The following SSX3 variants were observed in gnomAD, a reference collection of about 807,000 sequenced individuals.
SSX3 encodes the protein SSX family member 3.
SSX3 carries 6 observed loss-of-function variants against 14.8 expected under a neutral mutation model. The ratio of observed to expected loss-of-function variants is 0.41; its 90% CI spans 0.22 to 0.80. SSX3 has a LOEUF of 0.80. Among genes scored for constraint, SSX3 ranks in the 30% least tolerant of loss-of-function variants. SSX3 has a pLI of 0.34. For synonymous variants in SSX3, 55 were observed against 52.9 expected (o/e 1.04, Z -0.18); for missense variants, 163 against 152.2 (o/e 1.07, Z -0.37).
intron 6 of SSX3, among the ~76,000 whole-genome samples, chrX:48,347,881 T>C (rs2061245500): frequency 8.9e-6 from 1 of 112,383 alleles, no homozygotes; most frequent in Admixed American, 9.4e-5. Flanking sequence ...CCTAATTTCA[T>C]ACAGCACGTA....
At chrX:48,356,082 G>C (rs141612845) in intron 1 of SSX3, among the ~76,000 whole-genome samples, 2,352 of 111,698 alleles carry the variant, frequency 0.021, 70 homozygotes, top group African/African-American at 0.073. Flanking sequence ...GGAAGGCCAA[G>C]GTGGGCGGAT....
chrX:48,349,460 T>C, intron 6 of SSX3: 2 of 1,103,396 alleles, frequency 1.8e-6, no homozygotes, highest in Non-Finnish European at 2.4e-6. Flanking sequence ...ATAATGCTAT[T>C]GCACACTTAG....
rs782036054 is a variant in SSX3, at chrX:48,351,618, G to A, written c.330+482C>T. Among the ~76,000 whole-genome samples, 9 of 112,235 alleles carry A rather than the reference G, an allele frequency of 8.0e-5. No homozygotes were observed. In the South Asian group the frequency reaches 1.1e-3, roughly 14 times the overall value. On this transcript the variant is annotated intron_variant, in intron 5 of 7. Transcript: ENST00000298396. The stretch of plus-strand genomic sequence containing the variant: ...TGGATTAGACTACCACTGACACTGC[G>A]CCTCAGGAAAATTCTTTAACATCTC...
At position 48,352,373 on chromosome X, in the gene SSX3, C is replaced by T. The variant is rs1210489767; in HGVS notation, c.281-224G>A. 1.0e-5 allele frequency: 4 copies of T among 398,340 alleles called. No individual in the cohort carries two copies. In the Admixed American group the frequency reaches 1.7e-4, roughly 17 times the overall value. The allele number at this position is 398,340 out of a possible 1,213,427, so 32.8% of individuals were successfully genotyped here. A position where few individuals can be genotyped will look rare whatever the true frequency, so the allele number is the denominator to read the frequency against. ...CTCATGGTTTATCACATGGGGACTA[C>T]ACCCCATCACAGTCTCATCTTATTC... On this transcript the variant is annotated intron_variant, in intron 4 of 7. Transcript: ENST00000298396.
chrX:48,355,558 G>A (rs2061283387), intron 1 of SSX3, among the ~76,000 whole-genome samples: 1 of 110,780 alleles, frequency 9.0e-6, no homozygotes, highest in African/African-American at 3.3e-5. Flanking sequence ...CTGGAGCTAG[G>A]CTTCCCCTGA....
intron 3 of SSX3, 68 bp from the exon 4 acceptor site, chrX:48,354,162 T>C: frequency 2.1e-6 from 2 of 952,572 alleles, no homozygotes; most frequent in Non-Finnish European, 3.0e-6. Context: ...CTCATGTCTG[T>C]AGTACCAACA....
intron 2 of SSX3, 40 bp from the exon 3 acceptor site, chrX:48,354,786 C>A (rs1337375380): frequency 6.7e-6 from 8 of 1,199,594 alleles, no homozygotes; most frequent in Non-Finnish European, 9.0e-6. Flanking sequence ...AGGGACTCAG[C>A]TAGGCATGTC....
At chrX:48,351,723 T>C (rs1556949915) in intron 5 of SSX3, among the ~76,000 whole-genome samples, 1 of 111,903 alleles carries the variant, frequency 8.9e-6, no homozygotes, top group Admixed American at 9.4e-5. Context: ...TTTACTTCCA[T>C]TTCATGGACC....
chrX:48,347,918 T>G (rs2061245673), intron 6 of SSX3, among the ~76,000 whole-genome samples: 1 of 112,746 alleles, frequency 8.9e-6, no homozygotes, highest in South Asian at 3.7e-4. Context: ...AGGCATACCT[T>G]GTTTTGTTGC....
intron 7 of SSX3, 140 bp downstream of exon 7, chrX:48,347,360 C>A: frequency 3.1e-6 from 3 of 971,568 alleles, no homozygotes; most frequent in Non-Finnish European, 4.3e-6. Flanking sequence ...TGGGAAATCT[C>A]ATCATTCAGC....
At position 48,354,058 on chromosome X, in the gene SSX3, T is replaced by G. The variant is rs782248546; in HGVS notation, c.221A>C (p.Lys74Thr). 11 of 1,206,700 alleles carry G rather than the reference T, an allele frequency of 9.1e-6. No homozygotes were observed. The African/African-American group carries it at 1.8e-4, about 19-fold the overall frequency. Residue 74 changes from lysine (K) to threonine (T), a missense_variant, in exon 4 of 8, where the codon AAA becomes ACA. Coordinates refer to ENST00000298396, the MANE Select transcript of SSX3 (RefSeq NM_021014.4). Reference protein sequence around the residue: ...KAILPSFMRNKRVTDFQGNDF... With the variant: ...KAILPSFMRNTRVTDFQGNDF... Reference sequence around the variant, plus strand: ...ATTCCCCTGGAAGTCTGTGACCCGTTTATTACGCATGAAAGATGGGAGGAT... The same window carrying G: ...ATTCCCCTGGAAGTCTGTGACCCGTGTATTACGCATGAAAGATGGGAGGAT...
intron 4 of SSX3, 134 bp from the exon 5 acceptor site, chrX:48,352,283 G>C: frequency 1.3e-6 from 1 of 795,448 alleles, no homozygotes; most frequent in Non-Finnish European, 1.9e-6. Context: ...TTTCAGATTT[G>C]CTTCTGAATT....
At chrX:48,351,983 T>C in intron 5 of SSX3, 117 bp downstream of exon 5, 1 of 945,713 alleles carries the variant, frequency 1.1e-6, no homozygotes, top group South Asian at 2.0e-5. Flanking sequence ...GGTGTTGTGA[T>C]AGACATGGGG....
chrX:48,347,133 C>T (rs1379136366), intron 7 of SSX3, 98 bp from the exon 8 acceptor site: 29 of 1,063,274 alleles, frequency 2.7e-5, no homozygotes, highest in South Asian at 3.7e-5. Context: ...CTGCACACTC[C>T]GATTCTGCCC....
At chrX:48,348,450 T>C (rs1401001128) in intron 6 of SSX3, 12 of 518,388 alleles carry the variant, frequency 2.3e-5, no homozygotes, top group Non-Finnish European at 3.9e-5. Flanking sequence ...CCCTATTTCC[T>C]GAGACACAGC....
chrX:48,353,884 C>G, intron 4 of SSX3, 115 bp downstream of exon 4: 1 of 755,789 alleles, frequency 1.3e-6, no homozygotes, highest in Non-Finnish European at 2.0e-6. Flanking sequence ...TTTTTTTTTT[C>G]ACTCTGCCCC....
intron 7 of SSX3, 99 bp downstream of exon 7, chrX:48,347,401 A>C (rs2061243521): frequency 5.3e-6 from 6 of 1,129,556 alleles, no homozygotes; most frequent in Non-Finnish European, 7.3e-6. Flanking sequence ...AATTATAAGA[A>C]GGGAATGATT....
intron 5 of SSX3, among the ~76,000 whole-genome samples, chrX:48,351,823 A>T (rs782716476): frequency 1.7e-4 from 19 of 112,642 alleles, no homozygotes; most frequent in East Asian, 1.7e-3. Flanking sequence ...ACTCATTATT[A>T]TTCGGAGATA....
At chrX:48,354,314 C>A (rs1439731675) in intron 3 of SSX3, among the ~76,000 whole-genome samples, 6 of 106,031 alleles carry the variant, frequency 5.7e-5, no homozygotes, top group Non-Finnish European at 1.2e-4. Flanking sequence ...AAGAGACAAG[C>A]CGAGAGAAGG....
Sources: allele counts gnomAD v4.1 joint callset (sites outside exome capture counted in the v4.1 genomes callset), GRCh38; gene constraint gnomAD v4.1.1; transcripts MANE v1.5; gene names NCBI Gene and HGNC (gene_info 2026-07-23, HGNC 2026-07-21).